Variants in SVEP1 observed in about 807,000 individuals in gnomAD.
SVEP1 encodes the protein sushi, von Willebrand factor type A, EGF and pentraxin domain-containing protein 1.
In SVEP1, 164 loss-of-function variants were observed where a neutral mutation model predicts 367.3. The observed-to-expected ratio is 0.45, with a 90% CI of 0.39 to 0.51. The LOEUF (loss-of-function observed/expected upper bound fraction) is 0.51. SVEP1 is among the 20% of genes least tolerant of loss of function. SVEP1 has a pLI of 0.00. For missense variants in SVEP1, 4,117 were observed against 4,425.3 expected (o/e 0.93, Z 1.98); for synonymous variants, 1,666 against 1,611.6 (o/e 1.03, Z -0.81).
chr9:110,388,141 A>G (rs1042875471), intron 41 of SVEP1, among the ~76,000 whole-genome samples: 2 of 151,444 alleles, frequency 1.3e-5, no homozygotes, highest in Non-Finnish European at 3.0e-5. Context: ...TCAGAAGGTA[A>G]AAGACAATAA....
intron 5 of SVEP1, among the ~76,000 whole-genome samples, chr9:110,511,487 C>A (rs1000894744): frequency 2.9e-5 from 2 of 69,538 alleles, no homozygotes; most frequent in East Asian, 3.3e-4. Context: ...TGTGTCAGTA[C>A]CTTTTTTTTT....
intron 1 of SVEP1, among the ~76,000 whole-genome samples, chr9:110,569,617 C>T (rs767686879): frequency 1.1e-4 from 17 of 152,076 alleles, no homozygotes; most frequent in East Asian, 3.8e-4. Context: ...TCTTAGTAAA[C>T]GACTCAATCA....
At chr9:110,389,112 AAATATT>A (rs1280471701) in intron 41 of SVEP1, among the ~76,000 whole-genome samples, 2 of 152,180 alleles carry the variant, frequency 1.3e-5, no homozygotes, top group Non-Finnish European at 2.9e-5. Context: ...ATTCCATGCA[AAATATT>A]AATATTAATT....
intron 40 of SVEP1, among the ~76,000 whole-genome samples, chr9:110,390,154 CAT>C (rs1564127296): frequency 1.3e-5 from 1 of 77,840 alleles, no homozygotes; most frequent in East Asian, 3.4e-4. Context: ...CAAGTATATA[CAT>C]ACATACTTAT....
chr9:110,562,093 T>TA (rs1187040107), intron 1 of SVEP1, among the ~76,000 whole-genome samples: 4 of 152,102 alleles, frequency 2.6e-5, no homozygotes, highest in Admixed American at 6.6e-5. Flanking sequence ...TGGGAAATGG[T>TA]ACGCACAGGA....
chr9:110,575,999 T>C (rs1229829473), intron 1 of SVEP1, among the ~76,000 whole-genome samples: 1 of 152,188 alleles, frequency 6.6e-6, no homozygotes, highest in Non-Finnish European at 1.5e-5. Flanking sequence ...CAGCACTGGC[T>C]GGTCTGAACC....
At chr9:110,557,510 TCTCC>T (rs1014087291) in intron 1 of SVEP1, among the ~76,000 whole-genome samples, 2 of 137,196 alleles carry the variant, frequency 1.5e-5, no homozygotes, top group African/African-American at 2.6e-5. Flanking sequence ...CCTCTCTCTC[TCTCC>T]CTTTCTTTCT....
chr9:110,477,650 G>A (rs776070962), intron 13 of SVEP1, among the ~76,000 whole-genome samples: 3 of 152,008 alleles, frequency 2.0e-5, no homozygotes, highest in Non-Finnish European at 2.9e-5. Context: ...CCATCCCCAT[G>A]AGTACCCAGT....
intron 1 of SVEP1, among the ~76,000 whole-genome samples, chr9:110,571,699 T>A (rs1830565036): frequency 6.6e-6 from 1 of 152,210 alleles, no homozygotes; most frequent in Non-Finnish European, 1.5e-5. Context: ...CTAGTTTACA[T>A]CATCTAGGGG....
intron 37 of SVEP1, among the ~76,000 whole-genome samples, chr9:110,409,786 T>C (rs140819614): frequency 1.7e-3 from 254 of 152,244 alleles, no homozygotes; most frequent in Non-Finnish European, 2.7e-3. Flanking sequence ...TCCTATCTTT[T>C]AAAACAAAAA....
At chr9:110,451,205 A>G (rs539341951) in intron 23 of SVEP1, 84 bp downstream of exon 23, 2 of 1,102,862 alleles carry the variant, frequency 1.8e-6, no homozygotes, top group Admixed American at 2.5e-5. Context: ...AAAAATTCAC[A>G]TTAATATATA....
At chr9:110,403,304 T>TTG (rs1441552602) in intron 39 of SVEP1, among the ~76,000 whole-genome samples, 2 of 127,694 alleles carry the variant, frequency 1.6e-5, no homozygotes, top group African/African-American at 3.2e-5. Context: ...CCGTTTTTTT[T>TTG]TTTTTTTTTT....
At chr9:110,495,613 C>CAA (rs1829433923) in intron 8 of SVEP1, among the ~76,000 whole-genome samples, 2 of 151,928 alleles carry the variant, frequency 1.3e-5, no homozygotes. Context: ...CTCTGCATCC[C>CAA]CCCCGCCGCC....
intron 5 of SVEP1, among the ~76,000 whole-genome samples, chr9:110,508,760 C>CAAAAAAAAA (rs11316319): frequency 1.3e-4 from 10 of 76,496 alleles, no homozygotes; most frequent in Non-Finnish European, 1.9e-4. Flanking sequence ...GACTCCATCT[C>CAAAAAAAAA]AAAAAAAAAA....
chr9:110,457,540 T>C (rs1375561845), intron 20 of SVEP1, among the ~76,000 whole-genome samples, 188 bp from the exon 21 acceptor site: 3 of 152,222 alleles, frequency 2.0e-5, no homozygotes, highest in Admixed American at 6.5e-5. Context: ...AAATGATATA[T>C]ATCATTCTTG....
intron 24 of SVEP1, among the ~76,000 whole-genome samples, chr9:110,449,389 C>A (rs192672628): frequency 5.3e-5 from 8 of 152,300 alleles, no homozygotes; most frequent in Middle Eastern, 3.4e-3. Context: ...AAGATGAGCA[C>A]TATCACAGTA....
Position 110,468,443 on chromosome 9 carries a change from TAGA to T in SVEP1, c.3160+494_3160+496del, listed in dbSNP as rs1267160138. ...AGCCGAAGGAAATTTGAGAAAACCA[TAGA>T]AGCAGGAAAGTGTCTCTGAACTTCT... On this transcript the variant is annotated intron_variant, in intron 17 of 47. Transcript: ENST00000374469. Among the ~76,000 whole-genome samples the T allele has an allele frequency of 1.2e-4, 18 of 152,322 alleles. 1 individual carries two copies. In the East Asian group the frequency reaches 3.3e-3, roughly 28 times the overall value.
intron 36 of SVEP1, among the ~76,000 whole-genome samples, chr9:110,424,302 CA>C (rs1195329535): frequency 6.6e-6 from 1 of 151,870 alleles, no homozygotes; most frequent in African/African-American, 2.4e-5. Context: ...TACTGTCTAT[CA>C]GTGAAAATAA....
intron 38 of SVEP1, 132 bp downstream of exon 38, chr9:110,406,028 T>C: frequency 8.6e-7 from 1 of 1,163,364 alleles, no homozygotes; most frequent in Non-Finnish European, 1.1e-6. Context: ...AAGCCAAGTG[T>C]TAAAAGCACC....
Sources: gnomAD v4.1 joint callset for allele counts (sites outside exome capture counted in the v4.1 genomes callset) on GRCh38, gnomAD v4.1.1 for gene constraint, MANE v1.5 for transcripts, NCBI Gene and HGNC (gene_info 2026-07-23, HGNC 2026-07-21) for gene names.